Variants in FER observed in about 807,000 individuals in gnomAD.
The protein encoded by FER is FER tyrosine kinase, also known as tyrosine-protein kinase Fer.
FER carries 63 observed loss-of-function variants against 111.0 expected under a neutral mutation model. That is an observed-to-expected ratio of 0.57 (90% confidence interval 0.46 to 0.70). The LOEUF is 0.70. Among genes scored for constraint, FER ranks in the 30% least tolerant of loss-of-function variants. The pLI, the probability that FER is intolerant of heterozygous loss-of-function variation, is 0.00. For missense variants in FER, 914 were observed against 954.0 expected, an observed-to-expected ratio of 0.96 and a Z score of 0.55; for synonymous variants, 327 against 313.9, an observed-to-expected ratio of 1.04 and a Z score of -0.44.
At chr5:108,779,793 C>T (rs959882835) in intron 2 of FER, among the ~76,000 whole-genome samples, 1 of 152,136 alleles carries the variant, frequency 6.6e-6, no homozygotes, top group African/African-American at 2.4e-5. Context: ...TCCTTCTTAT[C>T]TCACTGCATT....
At chr5:109,098,662 T>C (rs914277356) in intron 16 of FER, among the ~76,000 whole-genome samples, 11 of 151,690 alleles carry the variant, frequency 7.3e-5, no homozygotes, top group African/African-American at 2.4e-4. Context: ...AGTTGATAAA[T>C]TAGTGGAATT....
intron 17 of FER, 75 bp from the exon 18 acceptor site, chr5:109,180,672 G>A (rs1425809657): frequency 4.7e-6 from 7 of 1,476,134 alleles, no homozygotes; most frequent in African/African-American, 2.8e-5. Context: ...AAAATGCAAA[G>A]TGTGGAAATC....
intron 17 of FER, among the ~76,000 whole-genome samples, chr5:109,127,464 C>G (rs1233763729): frequency 6.6e-6 from 1 of 152,028 alleles, no homozygotes; most frequent in Admixed American, 6.6e-5. Flanking sequence ...AGTGCAGTGA[C>G]GTGATCTCGG....
intron 13 of FER, among the ~76,000 whole-genome samples, chr5:109,003,678 T>A (rs976240605): frequency 9.2e-5 from 14 of 151,482 alleles, no homozygotes; most frequent in African/African-American, 3.4e-4. Context: ...AAATTTAAAT[T>A]TAAAAAATTA....
intron 5 of FER, among the ~76,000 whole-genome samples, chr5:108,851,768 A>C (rs1004326193): frequency 3.3e-5 from 5 of 152,206 alleles, no homozygotes; most frequent in Non-Finnish European, 7.3e-5. Flanking sequence ...GATATAGCCT[A>C]CTTAATTGAT....
At chr5:109,002,805 G>T (rs1764975202) in intron 13 of FER, among the ~76,000 whole-genome samples, 1 of 152,068 alleles carries the variant, frequency 6.6e-6, no homozygotes, top group African/African-American at 2.4e-5. Flanking sequence ...GGGGGCGAAG[G>T]ATATGAACAG....
chr5:109,029,052 A>G (rs1037499693), intron 13 of FER, among the ~76,000 whole-genome samples: 5 of 152,184 alleles, frequency 3.3e-5, no homozygotes, highest in African/African-American at 1.2e-4. Flanking sequence ...ACTTTTGAAC[A>G]TTCTGGTAGT....
intron 13 of FER, among the ~76,000 whole-genome samples, chr5:109,014,240 A>G (rs1766714191): frequency 6.6e-6 from 1 of 152,030 alleles, no homozygotes; most frequent in South Asian, 2.1e-4. Flanking sequence ...TCTTTAATCC[A>G]TCTTGAATTA....
chr5:109,161,869 A>G (rs563020792), intron 17 of FER, among the ~76,000 whole-genome samples: 21 of 152,062 alleles, frequency 1.4e-4, no homozygotes, highest in Non-Finnish European at 2.4e-4. Flanking sequence ...TTATTGAACT[A>G]TTTACACTCC....
In FER at chr5:108,766,821, A is replaced by G. The variant is rs537593208; in HGVS notation, c.-205-1272A>G. Reference sequence around the variant, plus strand: ...GGGGAGAGTTTATGATAAACCAGGAAGTTGGGATTAAAAATAGTATGGCAC... The same window carrying G: ...GGGGAGAGTTTATGATAAACCAGGAGGTTGGGATTAAAAATAGTATGGCAC... On this transcript the variant is annotated intron_variant, in intron 1 of 19. Coordinates refer to ENST00000281092, the MANE Select transcript of FER (RefSeq NM_005246.4). Among the ~76,000 whole-genome samples, 8 of 152,332 alleles carry G rather than the reference A, an allele frequency of 5.3e-5. No homozygotes were observed. In the East Asian group the frequency reaches 1.4e-3, roughly 26 times the overall value.
chr5:109,159,743 T>G (rs1755797962), intron 17 of FER, among the ~76,000 whole-genome samples: 1 of 152,182 alleles, frequency 6.6e-6, no homozygotes, highest in African/African-American at 2.4e-5. Context: ...TTCAGGAACA[T>G]TTGAAGGTCA....
chr5:109,142,835 G>A (rs1047854525), intron 17 of FER, among the ~76,000 whole-genome samples: 5 of 152,150 alleles, frequency 3.3e-5, no homozygotes, highest in African/African-American at 1.2e-4. Flanking sequence ...GGAAGGTTGT[G>A]TTTTATATTA....
chr5:109,101,131 T>G (rs1232481742), intron 17 of FER, among the ~76,000 whole-genome samples: 33 of 152,118 alleles, frequency 2.2e-4, no homozygotes, highest in South Asian at 8.3e-4. Flanking sequence ...CATTGTGGTT[T>G]TAGTTGCTTG....
chr5:108,861,696 A>G (rs1403151764), intron 5 of FER, among the ~76,000 whole-genome samples: 4 of 152,216 alleles, frequency 2.6e-5, no homozygotes, highest in Non-Finnish European at 5.9e-5. Flanking sequence ...TTTAAAAGTT[A>G]AGAAAGTATA....
chr5:109,044,430 C>T (rs1408735829), intron 14 of FER, among the ~76,000 whole-genome samples: 2 of 152,120 alleles, frequency 1.3e-5, no homozygotes, highest in African/African-American at 2.4e-5. Flanking sequence ...ATCTGCCCAC[C>T]TCAGCCTCCC....
chr5:109,062,230 T>C (rs754811611), intron 16 of FER, among the ~76,000 whole-genome samples: 3 of 152,122 alleles, frequency 2.0e-5, no homozygotes, highest in African/African-American at 4.8e-5. Context: ...TAAAAGAATA[T>C]TTCTAGTCCT....
intron 13 of FER, among the ~76,000 whole-genome samples, chr5:109,036,223 C>T (rs772503123): frequency 1.8e-4 from 28 of 152,034 alleles, no homozygotes; most frequent in Admixed American, 5.9e-4. Context: ...CCTTCACTTA[C>T]CCACTTGATC....
At chr5:108,925,994 T>C (rs2149565894) in intron 10 of FER, among the ~76,000 whole-genome samples, 1 of 152,038 alleles carries the variant, frequency 6.6e-6, no homozygotes, top group African/African-American at 2.4e-5. Context: ...TTTTTTTAAC[T>C]TTAAAAAAGT....
rs921936590 is a variant in FER, at chr5:109,195,664, C to T, written c.*8089C>T. 6.6e-6 allele frequency: 1 copy of T among 152,154 alleles called. No homozygotes were observed. Among genetic ancestry groups the T allele is most frequent in the African/African-American group, 2.4e-5 (1 of 41,436 alleles). 9.4% of individuals were successfully genotyped at this position (152,154 alleles called of 1,614,324 possible). A position where few individuals can be genotyped will look rare whatever the true frequency, so the allele number is the denominator to read the frequency against. On this transcript the variant is annotated 3_prime_UTR_variant, in exon 20 of 20. Transcript: ENST00000281092. ...TATACCTGCTGAGCATTTCACTTTACTATACAAAATGTCAGCTACCCAGTT... is the reference window on the plus strand; with the variant it reads ...TATACCTGCTGAGCATTTCACTTTATTATACAAAATGTCAGCTACCCAGTT...
Sources: gnomAD v4.1 joint callset for allele counts (sites outside exome capture counted in the v4.1 genomes callset) on GRCh38, gnomAD v4.1.1 for gene constraint, MANE v1.5 for transcripts, NCBI Gene and HGNC (gene_info 2026-07-23, HGNC 2026-07-21) for gene names.